Variants in DDX3X observed in about 807,000 individuals in gnomAD.
The protein encoded by DDX3X is DEAD-box helicase 3 X-linked.
DDX3X carries 4 observed loss-of-function variants against 52.7 expected under a neutral mutation model. The ratio of observed to expected loss-of-function variants is 0.08; its 90% CI spans 0.04 to 0.17. The LOEUF (loss-of-function observed/expected upper bound fraction) is 0.17. Among genes scored for constraint, DDX3X ranks in the 10% least tolerant of loss-of-function variants. The pLI is 1.00. For synonymous variants in DDX3X, 192 were observed against 178.1 expected (o/e 1.08, Z -0.62); for missense variants, 222 against 548.6 (o/e 0.40, Z 5.95).
intron 10 of DDX3X, among the ~76,000 whole-genome samples, chrX:41,344,879 T>C (rs1341091664): frequency 1.2e-4 from 14 of 112,131 alleles, no homozygotes; most frequent in African/African-American, 4.2e-4. Context: ...AGCTTGTTCA[T>C]GGTAATTTTA....
At chrX:41,334,160 CCA>C (rs2147332393) in exon 1 of DDX3X, 1 of 975,159 alleles carries the variant, frequency 1.0e-6, no homozygotes, top group East Asian at 3.2e-5. Flanking sequence ...GCGGTGCGCT[CCA>C]GAGCCGCAGT....
intron 4 of DDX3X, 37 bp downstream of exon 4, chrX:41,341,653 A>G: frequency 8.5e-7 from 1 of 1,171,478 alleles, no homozygotes; most frequent in Non-Finnish European, 1.2e-6. Flanking sequence ...TGTATGTATA[A>G]TAACAGTTTA....
At chrX:41,336,186 G>T (rs2063766766) in intron 1 of DDX3X, 1 of 112,191 alleles carries the variant, frequency 8.9e-6, no homozygotes, top group South Asian at 3.6e-4. Flanking sequence ...TTGCAAACAG[G>T]TTGGCAGCGG....
At chrX:41,334,598 C>T (rs1305678152) in intron 1 of DDX3X, 1 of 1,080,992 alleles carries the variant, frequency 9.3e-7, no homozygotes, top group Admixed American at 3.2e-5. Context: ...CGCGCATGCG[C>T]GAATCCCGAC....
rs4827269 is a variant in DDX3X at position 41,341,905 on chromosome X, C to G, written c.284+289C>G. On this transcript the variant is annotated intron_variant, in intron 4 of 16. Transcript: ENST00000644876. ...CTAATTTGGTTGGGATTTTTGTGGA[C>G]TCTATAACAATTTCTAAACACCTTG... The G allele has an allele frequency of 0.088, 20,954 of 238,559 alleles. 1,045 individuals carry two copies. The highest frequency in any genetic ancestry group is 0.38 in the East Asian group (4,137 of 10,991). The allele number at this position is 238,559 out of a possible 1,213,427, so 19.7% of individuals were successfully genotyped here.
At position 41,344,114 on chromosome X, in the gene DDX3X, G is replaced by A; in HGVS notation, c.850G>A (p.Glu284Lys). The A allele has an allele frequency of 8.3e-7, 1 of 1,201,636 alleles. No individual in the cohort carries two copies. The highest frequency in any genetic ancestry group is 1.1e-6 in the Non-Finnish European group (1 of 890,412). The change falls in exon 9 of 17, where the codon GAG becomes AAG. Residue 284 changes from glutamate to lysine, a missense_variant. Physicochemically the swap from Glu to Lys is moderately conservative, Grantham distance 56 (BLOSUM62 1). Around this residue, in one of 5 missense-constraint regions of DDX3X, gnomAD observed 73 missense variants for 301.4 expected, o/e 0.24. Coordinates refer to ENST00000644876, the MANE Select transcript of DDX3X (RefSeq NM_001356.5). The part of the protein sequence containing the change: ...PTRELAVQIY[E>K]EARKFSYRSR... ...GAGAGAGTTGGCAGTACAGATCTAC[G>A]AGGAAGCCAGAAAAGTAAGTATGAG...
At chrX:41,342,465 T>A (rs375119824) in intron 4 of DDX3X, 30 bp from the exon 5 acceptor site, 120 of 1,201,784 alleles carry the variant, frequency 1.0e-4, no homozygotes, top group Non-Finnish European at 1.3e-4. Context: ...TTAAATGATA[T>A]GATTCTGATT....
chrX:41,350,506 C>T (rs2063975473), downstream of DDX3X: 1 of 111,766 alleles, frequency 8.9e-6, no homozygotes, highest in Non-Finnish European at 1.9e-5. Context: ...GGGTGGGAGT[C>T]TCTTTGTTCT....
In DDX3X at chrX:41,360,482, G is replaced by A. The variant is rs762891448; in HGVS notation, c.655-3792G>A. Among the ~76,000 whole-genome samples, 314 of 108,302 alleles carry A rather than the reference G, an allele frequency of 2.9e-3. 4 individuals carry two copies. The highest frequency in any genetic ancestry group is 9.8e-3 in the African/African-American group (293 of 29,790). 94.0% of individuals were successfully genotyped at this position (108,302 alleles called of 115,157 possible). ...ATTTGAGACAGGGTCTTACCCTGTC[G>A]CCCAGGCTGGAGTGCAGTGGCGTAA... On this transcript the variant is annotated intron_variant, in intron 5 of 5. Transcript: ENST00000616050.
chrX:41,335,619 T>C (rs1322650829), intron 1 of DDX3X: 1 of 111,967 alleles, frequency 8.9e-6, no homozygotes, highest in Non-Finnish European at 1.9e-5. Flanking sequence ...GGAGCGTTGA[T>C]TTCACAAACT....
In DDX3X at chrX:41,344,466, G is replaced by A. The variant is rs1465624996; in HGVS notation, c.1025+67G>A. 2.6e-6 allele frequency: 3 copies of A among 1,157,278 alleles called. No individual in the cohort carries two copies. The Admixed American group carries it at 6.6e-5, about 25-fold the overall frequency. ...TTGTTCTTTTGTTTTTGGCAGAGTT[G>A]CGCTCTTGTTGCCCAGGCTGGAGTG... is the stretch of plus-strand genomic sequence containing the variant. On this transcript the variant is annotated intron_variant, in intron 10 of 16. Coordinates refer to ENST00000644876, the MANE Select transcript of DDX3X (RefSeq NM_001356.5).
chrX:41,341,421 T>A, intron 3 of DDX3X, 63 bp from the exon 4 acceptor site: 1 of 974,634 alleles, frequency 1.0e-6, no homozygotes, highest in Non-Finnish European at 1.4e-6. Context: ...AGATTGATAA[T>A]ACCTTAACAT....
At chrX:41,338,345 T>C (rs762166634) in intron 2 of DDX3X, 2 of 112,171 alleles carry the variant, frequency 1.8e-5, no homozygotes, top group Admixed American at 1.9e-4. Flanking sequence ...AAGAATCTTT[T>C]AGGAACTGAT....
At chrX:41,351,092 AAAT>A (rs1214355746), downstream of DDX3X, 2 of 111,728 alleles carry the variant, frequency 1.8e-5, no homozygotes, top group Admixed American at 9.6e-5. Flanking sequence ...GATTTAGTCA[AAAT>A]AAGCATGGAA....
chrX:41,334,621 T>G (rs950441655), intron 1 of DDX3X: 4 of 1,078,992 alleles, frequency 3.7e-6, no homozygotes, highest in Non-Finnish European at 4.8e-6. Flanking sequence ...ATTAGTGACC[T>G]GGGGGGGTTT....
rs1167931443 is a variant in DDX3X at position 41,349,574 on chromosome X, T to A, written c.*1855T>A. On this transcript the variant is annotated 3_prime_UTR_variant, in exon 17 of 17. Coordinates refer to ENST00000644876, the MANE Select transcript of DDX3X (RefSeq NM_001356.5). Reference sequence around the variant, plus strand: ...GCCTAAAAGTGATTCTTTGAAAGTTTAAAGAAACTTGACCAAAAGACAGTA... The same window carrying A: ...GCCTAAAAGTGATTCTTTGAAAGTTAAAAGAAACTTGACCAAAAGACAGTA... 1.8e-5 allele frequency: 2 copies of A among 112,640 alleles called. No homozygotes were observed. Among genetic ancestry groups the A allele is most frequent in the Non-Finnish European group, 3.8e-5 (2 of 53,331 alleles). 9.3% of individuals were successfully genotyped at this position (112,640 alleles called of 1,213,427 possible).
At chrX:41,345,673 C>G (rs988910974) in intron 12 of DDX3X, 125 bp downstream of exon 12, 2 of 622,791 alleles carry the variant, frequency 3.2e-6, no homozygotes, top group Non-Finnish European at 4.8e-6. Context: ...TTGACCTGCT[C>G]TGTTTCTGAC....
chrX:41,341,766 A>C (rs1380693376), intron 4 of DDX3X, 150 bp downstream of exon 4: 4 of 475,771 alleles, frequency 8.4e-6, no homozygotes, highest in Non-Finnish European at 1.4e-5. Context: ...TGAACCTGTT[A>C]CTTAGAAATT....
chrX:41,341,802 G>A, intron 4 of DDX3X, 186 bp downstream of exon 4: 1 of 378,956 alleles, frequency 2.6e-6, no homozygotes, highest in Non-Finnish European at 4.5e-6. Flanking sequence ...TATGCTCATT[G>A]GCATAATGAA....
Sources: allele counts gnomAD v4.1 joint callset (sites outside exome capture counted in the v4.1 genomes callset), GRCh38; gene constraint gnomAD v4.1.1; regional missense constraint gnomAD v4.1.1; transcripts MANE v1.5; gene names NCBI Gene and HGNC (gene_info 2026-07-23, HGNC 2026-07-21).